HACD2: variants seen among roughly 807,000 people sequenced by gnomAD.
HACD2 encodes the protein very-long-chain (3R)-3-hydroxyacyl-CoA dehydratase 2.
In HACD2, 15 loss-of-function variants were observed where a neutral mutation model predicts 31.0. The ratio of observed to expected loss-of-function variants is 0.48; its 90% confidence interval spans 0.32 to 0.75. The LOEUF (loss-of-function observed/expected upper bound fraction) is 0.75. Ranked by LOEUF, HACD2 falls within the 30% of genes least tolerant of loss-of-function variation. The pLI, the probability that HACD2 is intolerant of heterozygous loss-of-function variation, is 0.03. For missense variants in HACD2, 283 were observed against 313.0 expected (o/e 0.90, Z 0.72); for synonymous variants, 115 against 122.2 (o/e 0.94, Z 0.39).
In HACD2 at chr3:123,566,313, A is replaced by G. The variant is rs2056791471; in HGVS notation, c.292+1449T>C. ...TTTTTTTTTTATTTTTTAAACAGAG[A>G]CTCACTCGTTTCCCAGGCTAAAATG... On this transcript the variant is annotated intron_variant, in intron 3 of 6. Coordinates refer to ENST00000383657, the MANE Select transcript of HACD2 (RefSeq NM_198402.5). Among the ~76,000 whole-genome samples the G allele has an allele frequency of 3.3e-5, 5 of 151,840 alleles. No homozygotes were observed. In the South Asian group the frequency reaches 1.0e-3, roughly 32 times the overall value.
chr3:123,562,957 C>T (rs73200046), intron 3 of HACD2, among the ~76,000 whole-genome samples: 24,213 of 152,206 alleles, frequency 0.16, 2,110 homozygotes, highest in Non-Finnish European at 0.2. Flanking sequence ...AAACAGCTTA[C>T]TCCTTATTGT....
At chr3:123,536,529 C>A (rs572186036) in intron 3 of HACD2, among the ~76,000 whole-genome samples, 23 of 152,318 alleles carry the variant, frequency 1.5e-4, no homozygotes, top group African/African-American at 4.8e-4. Context: ...GACAACCCAA[C>A]ATAAGGATAA....
At chr3:123,540,388 C>G (rs928862803) in intron 3 of HACD2, among the ~76,000 whole-genome samples, 5 of 152,188 alleles carry the variant, frequency 3.3e-5, no homozygotes, top group Non-Finnish European at 7.3e-5. Flanking sequence ...TTCAGAGCCT[C>G]CTCACTTGCT....
chr3:123,514,420 A>T (rs2056107052), intron 4 of HACD2, among the ~76,000 whole-genome samples: 1 of 53,284 alleles, frequency 1.9e-5, no homozygotes, highest in African/African-American at 3.3e-5. Flanking sequence ...TTCAGAAAAA[A>T]TTGTTTTCTA....
chr3:123,514,427 T>C (rs933883858), intron 4 of HACD2, among the ~76,000 whole-genome samples: 6 of 47,700 alleles, frequency 1.3e-4, no homozygotes, highest in Admixed American at 2.9e-4. Flanking sequence ...AAAATTGTTT[T>C]CTAAAAATCA....
At chr3:123,504,801 AC>A (rs1270975601) in intron 4 of HACD2, among the ~76,000 whole-genome samples, 37 of 152,252 alleles carry the variant, frequency 2.4e-4, no homozygotes, top group African/African-American at 8.9e-4. Flanking sequence ...AGGAAATGCA[AC>A]ATTGTTATCA....
intron 4 of HACD2, among the ~76,000 whole-genome samples, chr3:123,511,884 G>C (rs747372750): frequency 1.3e-5 from 2 of 152,062 alleles, no homozygotes; most frequent in Non-Finnish European, 2.9e-5. Flanking sequence ...TGGGGAGAGG[G>C]TGAGTAAGTC....
chr3:123,543,568 T>C, intron 3 of HACD2: 1 of 246,098 alleles, frequency 4.1e-6, no homozygotes, highest in Non-Finnish European at 8.1e-6. Flanking sequence ...TTGCATTTTA[T>C]ACCATGTGAA....
At chr3:123,530,197 TCAAA>T (rs561113682) in intron 3 of HACD2, among the ~76,000 whole-genome samples, 15 of 152,130 alleles carry the variant, frequency 9.9e-5, no homozygotes, top group East Asian at 1.9e-4. Flanking sequence ...TTCTTTGATT[TCAAA>T]CAAACAAACA....
chr3:123,537,630 ATT>A (rs373145462), intron 3 of HACD2, among the ~76,000 whole-genome samples: 2 of 151,264 alleles, frequency 1.3e-5, no homozygotes, highest in Non-Finnish European at 3.0e-5. Flanking sequence ...AAGTTTTAAA[ATT>A]TTTTTTTGAT....
intron 3 of HACD2, among the ~76,000 whole-genome samples, chr3:123,534,798 T>TTGTGTGTGTGTGTGTGTGTGTG (rs71142740): frequency 0.025 from 3,740 of 149,130 alleles, 67 homozygotes; most frequent in Middle Eastern, 0.086. Flanking sequence ...AGACGTAGGC[T>TTGTGTGTGTGTGTGTGTGTGTG]TGTGTGTGTG....
At position 123,540,825 on chromosome 3, in the gene HACD2, T is replaced by C. The variant is rs141084324; in HGVS notation, c.293-12351A>G. ...AACTTTTAAAAAACAGTTGAACTAT[T>C]ATATATATCATCACTTTTTGCTAAC... On this transcript the variant is annotated intron_variant, in intron 3 of 6. Coordinates refer to ENST00000383657, the MANE Select transcript of HACD2 (RefSeq NM_198402.5). Among the ~76,000 whole-genome samples the C allele has an allele frequency of 2.6e-5, 4 of 152,326 alleles. No homozygotes were observed. In the East Asian group the frequency reaches 7.7e-4, roughly 29 times the overall value.
At chr3:123,504,830 A>G (rs1447095027) in intron 4 of HACD2, among the ~76,000 whole-genome samples, 1 of 152,246 alleles carries the variant, frequency 6.6e-6, no homozygotes. Flanking sequence ...ATTTGGATAA[A>G]GAGATTGACC....
chr3:123,529,582 G>C (rs2107708011), intron 3 of HACD2, among the ~76,000 whole-genome samples: 2 of 152,142 alleles, frequency 1.3e-5, no homozygotes, highest in African/African-American at 2.4e-5. Context: ...AAACATATTA[G>C]CTCGCCATGG....
intron 4 of HACD2, among the ~76,000 whole-genome samples, chr3:123,505,135 T>C (rs937081414): frequency 6.6e-6 from 1 of 152,202 alleles, no homozygotes; most frequent in Non-Finnish European, 1.5e-5. Context: ...CTTGAAGACA[T>C]CATGCTAAGT....
chr3:123,559,540 G>A (rs533002041), intron 3 of HACD2, among the ~76,000 whole-genome samples: 42 of 152,282 alleles, frequency 2.8e-4, no homozygotes, highest in African/African-American at 9.1e-4. Flanking sequence ...AGATCATCAC[G>A]TATTCAGTCC....
chr3:123,558,726 GT>G (rs1475846261), intron 3 of HACD2, among the ~76,000 whole-genome samples: 3 of 152,186 alleles, frequency 2.0e-5, no homozygotes, highest in Non-Finnish European at 4.4e-5. Flanking sequence ...TTAACACATT[GT>G]TCAACTCCTG....
chr3:123,570,360 A>G (rs2056841002), intron 2 of HACD2, among the ~76,000 whole-genome samples: 1 of 152,248 alleles, frequency 6.6e-6, no homozygotes, highest in Non-Finnish European at 1.5e-5. Context: ...GTACATAGTA[A>G]ATTATGAAAA....
chr3:123,548,015 T>G (rs1364760532), intron 3 of HACD2, among the ~76,000 whole-genome samples: 1 of 151,850 alleles, frequency 6.6e-6, no homozygotes, highest in African/African-American at 2.4e-5. Context: ...TTCAGAACCA[T>G]GCTCTTAACT....
Sources: allele counts gnomAD v4.1 joint callset (sites outside exome capture counted in the v4.1 genomes callset), GRCh38; gene constraint gnomAD v4.1.1; transcripts MANE v1.5; gene names NCBI Gene and HGNC (gene_info 2026-07-23, HGNC 2026-07-21).